AQP9: variants seen among roughly 807,000 people sequenced by gnomAD.
The protein encoded by AQP9 is aquaporin 9.
In AQP9, 19 loss-of-function variants were observed where a neutral mutation model predicts 23.8. The observed-to-expected ratio is 0.80, with a 90% CI of 0.56 to 1.17. The LOEUF (loss-of-function observed/expected upper bound fraction) is 1.17, where lower values mean the gene tolerates loss of function less well. AQP9 is among the 50% of genes most tolerant of loss of function. The probability of loss-of-function intolerance (pLI) is 0.00; values close to 1 mark genes in which losing one functional copy is unlikely to be tolerated. For synonymous variants in AQP9, 153 were observed against 131.5 expected, an observed-to-expected ratio of 1.16 and a Z score of -1.12; for missense variants, 413 against 362.0, an observed-to-expected ratio of 1.14 and a Z score of -1.14.
At chr15:58,146,667 T>C (rs1387585151) in intron 1 of AQP9, 1 of 152,204 alleles carries the variant, frequency 6.6e-6, no homozygotes, top group Admixed American at 6.5e-5. Context: ...TCAGGGAGAT[T>C]TATTTTTCCC....
At chr15:58,140,501 C>A (rs558640123) in intron 1 of AQP9, among the ~76,000 whole-genome samples, 3 of 152,264 alleles carry the variant, frequency 2.0e-5, no homozygotes, top group African/African-American at 4.8e-5. Context: ...AAATCTGCAA[C>A]CTTGATTATC....
At chr15:58,146,567 G>C (rs1318642901) in intron 1 of AQP9, among the ~76,000 whole-genome samples, 1 of 152,068 alleles carries the variant, frequency 6.6e-6, no homozygotes, top group Non-Finnish European at 1.5e-5. Flanking sequence ...AGTTGCGGGG[G>C]AGTGAATCAT....
At chr15:58,165,062 T>C (rs528867948) in intron 1 of AQP9, among the ~76,000 whole-genome samples, 1 of 152,284 alleles carries the variant, frequency 6.6e-6, no homozygotes, top group East Asian at 1.9e-4. Flanking sequence ...TTCCTGCCCC[T>C]AAATAGTATG....
intron 2 of AQP9, among the ~76,000 whole-genome samples, chr15:58,172,618 T>A (rs551886257): frequency 3.3e-5 from 5 of 152,332 alleles, no homozygotes; most frequent in African/African-American, 7.2e-5. Flanking sequence ...TTTGAGCTTG[T>A]TTTTATATCC....
At chr15:58,170,902 T>A (rs1898605578) in intron 2 of AQP9, among the ~76,000 whole-genome samples, 1 of 152,044 alleles carries the variant, frequency 6.6e-6, no homozygotes, top group Non-Finnish European at 1.5e-5. Context: ...GGAGTTGGAC[T>A]GGAGGTGATC....
At chr15:58,145,735 T>C (rs1351056613) in intron 1 of AQP9, among the ~76,000 whole-genome samples, 1 of 152,222 alleles carries the variant, frequency 6.6e-6, no homozygotes, top group Non-Finnish European at 1.5e-5. Context: ...TATTTGCTAA[T>C]CATTACTGCA....
chr15:58,166,780 T>C lies in AQP9; in HGVS notation c.219T>C (p.Tyr73=), dbSNP rs1243582755. Residue 73 remains tyrosine, a synonymous_variant, in exon 2 of 6, where the codon TAT becomes TAC. Transcript: ENST00000219919. ...GFSMAVAMAI[Y]VAGGVSGGHI... ...CAATGGCAGTTGCAATGGCCATTTA[T>C]GTGGCTGGCGGTGTCTCTGGTAAGC... 1.2e-6 allele frequency: 2 copies of C among 1,613,920 alleles called. No individual in the cohort carries two copies. The highest frequency in any genetic ancestry group is 2.7e-5 in the African/African-American group (2 of 74,952).
intron 4 of AQP9, among the ~76,000 whole-genome samples, chr15:58,177,782 C>T (rs1392304150): frequency 6.6e-6 from 1 of 152,186 alleles, no homozygotes; most frequent in Non-Finnish European, 1.5e-5. Context: ...TATCATTTAA[C>T]TGTTAAAGTA....
chr15:58,174,791 G>C (rs1485627333), intron 3 of AQP9, 127 bp from the exon 4 acceptor site: 1 of 752,894 alleles, frequency 1.3e-6, no homozygotes, highest in African/African-American at 1.7e-5. Flanking sequence ...CGGAAGTAGA[G>C]AGAGACAAAT....
chr15:58,141,393 C>T (rs977831476), intron 1 of AQP9, among the ~76,000 whole-genome samples: 2 of 152,154 alleles, frequency 1.3e-5, no homozygotes, highest in Admixed American at 6.5e-5. Flanking sequence ...ACTGTGTAGT[C>T]GGACAGATGC....
At chr15:58,169,301 G>C (rs1479205972) in intron 2 of AQP9, among the ~76,000 whole-genome samples, 3 of 152,208 alleles carry the variant, frequency 2.0e-5, no homozygotes, top group Non-Finnish European at 4.4e-5. Context: ...AGACTGGCTG[G>C]AAAATAGTAG....
At chr15:58,144,154 C>T (rs1470240716) in intron 1 of AQP9, among the ~76,000 whole-genome samples, 2 of 152,024 alleles carry the variant, frequency 1.3e-5, no homozygotes, top group African/African-American at 4.8e-5. Context: ...CTGCACCTTT[C>T]TCTTTGGGAT....
At position 58,142,170 on chromosome 15, in the gene AQP9, C is replaced by G. The variant is rs1897962681; in HGVS notation, c.111+3494C>G. Reference sequence around the variant, plus strand: ...CACTGTGCTCTTCCCTTGAGCAGCACAGAGTGTTCGCTTGTCCAAATTCTC... The same window carrying G: ...CACTGTGCTCTTCCCTTGAGCAGCAGAGAGTGTTCGCTTGTCCAAATTCTC... On this transcript the variant is annotated intron_variant, in intron 1 of 5. Coordinates refer to ENST00000219919, the MANE Select transcript of AQP9 (RefSeq NM_020980.5). Among the ~76,000 whole-genome samples the G allele has an allele frequency of 2.6e-5, 4 of 152,186 alleles. No homozygotes were observed. In the South Asian group the frequency reaches 8.3e-4, roughly 32 times the overall value.
At chr15:58,151,374 G>C (rs1456101305) in intron 1 of AQP9, 1 of 152,050 alleles carries the variant, frequency 6.6e-6, no homozygotes, top group Admixed American at 6.6e-5. Context: ...ACATGACTCT[G>C]TAATAACTCC....
At chr15:58,147,486 C>T (rs1898068591) in intron 1 of AQP9, among the ~76,000 whole-genome samples, 1 of 152,176 alleles carries the variant, frequency 6.6e-6, no homozygotes, top group African/African-American at 2.4e-5. Context: ...TTCACTGAAA[C>T]TTCTAAGCAA....
chr15:58,155,161 A>G (rs566200022), intron 1 of AQP9: 1 of 152,214 alleles, frequency 6.6e-6, no homozygotes, highest in Non-Finnish European at 1.5e-5. Context: ...TTCAATCACC[A>G]ATATCAGCCG....
At chr15:58,139,712 T>C (rs1897918490) in intron 1 of AQP9, among the ~76,000 whole-genome samples, 1 of 152,184 alleles carries the variant, frequency 6.6e-6, no homozygotes, top group African/African-American at 2.4e-5. Flanking sequence ...GAAACAAATG[T>C]GAACTCAAAA....
intron 1 of AQP9, among the ~76,000 whole-genome samples, chr15:58,159,222 T>C (rs1277478404): frequency 6.6e-6 from 1 of 152,116 alleles, no homozygotes; most frequent in African/African-American, 2.4e-5. Context: ...TCCCACTTGG[T>C]ATTTCTTAGA....
At chr15:58,139,549 A>C (rs1897916021) in intron 1 of AQP9, among the ~76,000 whole-genome samples, 1 of 152,244 alleles carries the variant, frequency 6.6e-6, no homozygotes, top group South Asian at 2.1e-4. Flanking sequence ...ATCCTGCTTA[A>C]GGATTTCCTA....
Sources: allele counts gnomAD v4.1 joint callset (sites outside exome capture counted in the v4.1 genomes callset), GRCh38; gene constraint gnomAD v4.1.1; transcripts MANE v1.5; gene names NCBI Gene and HGNC (gene_info 2026-07-23, HGNC 2026-07-21).